Variants in PCDHGA7 observed in about 807,000 individuals in gnomAD.
The protein encoded by PCDHGA7 is protocadherin gamma-A7.
PCDHGA7 carries 44 observed loss-of-function variants against 58.3 expected under a neutral mutation model. The observed-to-expected ratio is 0.75, with a 90% CI of 0.59 to 0.97. PCDHGA7 has a LOEUF of 0.97. PCDHGA7 is among the 50% of genes least tolerant of loss of function. The probability of loss-of-function intolerance (pLI) is 0.00; values close to 1 mark genes in which losing one functional copy is unlikely to be tolerated. For missense variants in PCDHGA7, 1,266 were observed against 1,188.7 expected, an observed-to-expected ratio of 1.06 and a Z score of -0.96; for synonymous variants, 516 against 504.2, an observed-to-expected ratio of 1.02 and a Z score of -0.31.
chr5:141,488,807 C>G (rs2099679535), intron 1 of PCDHGA7, among the ~76,000 whole-genome samples: 1 of 152,170 alleles, frequency 6.6e-6, no homozygotes, highest in Non-Finnish European at 1.5e-5. Flanking sequence ...TGAGTACCAT[C>G]TGAGCTGTCA....
Position 141,428,338 on chromosome 5 carries a change from T to C in PCDHGA7, c.2424+43015T>C, listed in dbSNP as rs575215422. 427 of 592,394 alleles carry C rather than the reference T, an allele frequency of 7.2e-4. 1 individual carries two copies. The highest frequency in any genetic ancestry group is 1.3e-3 in the Non-Finnish European group (409 of 326,444). 36.7% of individuals were successfully genotyped at this position (592,394 alleles called of 1,614,324 possible). ...CTTGGCCTTGATTTCTATGCTCTTC[T>C]TCCTCGCAGTGATTTTGGCGGTCGC... On this transcript the variant is annotated intron_variant, in intron 1 of 3. Coordinates refer to ENST00000518325, the MANE Select transcript of PCDHGA7 (RefSeq NM_018920.4).
intron 1 of PCDHGA7, chr5:141,409,547 G>A (rs760802690): frequency 1.2e-6 from 2 of 1,613,936 alleles, no homozygotes; most frequent in Non-Finnish European, 1.7e-6. Flanking sequence ...CAACGACAAC[G>A]CCCCAGTTTT....
At position 141,490,688 on chromosome 5, in the gene PCDHGA7, C is replaced by A; in HGVS notation, c.2425-4119C>A. ...ACTGTGGCTGCCTCAGATCCAGACA[C>A]TGGGGATAATGCCCGCCTCACCTAC... On this transcript the variant is annotated intron_variant, in intron 1 of 3. Coordinates refer to ENST00000518325, the MANE Select transcript of PCDHGA7 (RefSeq NM_018920.4). The surrounding 1 kb of genome is among the most constrained non-coding windows in gnomAD (Gnocchi z 5.4). The A allele has an allele frequency of 6.2e-7, 1 of 1,614,218 alleles. No individual in the cohort carries two copies. The highest frequency in any genetic ancestry group is 8.5e-7 in the Non-Finnish European group (1 of 1,180,032).
chr5:141,511,028 T>C lies in PCDHGA7; in HGVS notation c.2654T>C (p.Leu885Pro). ...GCCCGCTACGGACCCCAGTTCACCC[T>C]GCAGCACGTGCCCGACTACCGCCAG... ...LSARYGPQFTLQHVPDYRQNV... is the reference protein window; with the variant it reads ...LSARYGPQFTPQHVPDYRQNV... The change falls in exon 4 of 4, where the codon CTG becomes CCG. Residue 885 changes from leucine (L) to proline (P), a missense_variant. Leu to Pro is a moderately conservative substitution (Grantham distance 98, BLOSUM62 -3). Transcript: ENST00000518325. 1 of 1,614,202 alleles carries C rather than the reference T, an allele frequency of 6.2e-7. No homozygotes were observed. Among genetic ancestry groups the C allele is most frequent in the Non-Finnish European group, 8.5e-7 (1 of 1,180,028 alleles).
chr5:141,460,388 G>T (rs1425099375), intron 1 of PCDHGA7, among the ~76,000 whole-genome samples: 1 of 151,774 alleles, frequency 6.6e-6, no homozygotes, highest in East Asian at 1.9e-4. Context: ...TTATAATTTG[G>T]TCTATGAATC....
chr5:141,456,735 C>T (rs568353480), intron 1 of PCDHGA7, among the ~76,000 whole-genome samples: 8 of 152,216 alleles, frequency 5.3e-5, no homozygotes, highest in East Asian at 3.9e-4. Context: ...GAGGCTGAGG[C>T]GGGAGCATCA....
intron 1 of PCDHGA7, chr5:141,414,397 T>C: frequency 6.2e-7 from 1 of 1,613,920 alleles, no homozygotes; most frequent in Middle Eastern, 1.6e-4. Context: ...TTATTACAGA[T>C]TGGTGATACA....
At chr5:141,478,215 T>C (rs764444582) in intron 1 of PCDHGA7, 11 of 1,614,118 alleles carry the variant, frequency 6.8e-6, no homozygotes. Context: ...TCTCTAATCC[T>C]GGTTTCTGTG....
At position 141,486,882 on chromosome 5, in the gene PCDHGA7, C is replaced by T; in HGVS notation, c.2425-7925C>T. The T allele has an allele frequency of 6.2e-7, 1 of 1,614,244 alleles. No individual in the cohort carries two copies. The highest frequency in any genetic ancestry group is 1.1e-5 in the South Asian group (1 of 91,086). On this transcript the variant is annotated intron_variant, in intron 1 of 3. Transcript: ENST00000518325. This position sits in a 1 kb window ranked among gnomAD's most constrained non-coding sequence, Gnocchi z 5.0. ...GCTCCAGCTGTGCTCCGTCCTCGGG[C>T]CCGGCCTGGTTCCTTATGTCCCCAA...
At chr5:141,416,794 G>A (rs1002101061) in intron 1 of PCDHGA7, 1 of 152,070 alleles carries the variant, frequency 6.6e-6, no homozygotes, top group East Asian at 1.9e-4. Flanking sequence ...ACTAAATGTG[G>A]TAGTATAAAG....
At chr5:141,423,783 A>G in intron 1 of PCDHGA7, 1 of 1,264,712 alleles carries the variant, frequency 7.9e-7, no homozygotes, top group South Asian at 1.9e-5. Context: ...TATTTAGTTC[A>G]TATATATTTA....
At chr5:141,455,789 G>A (rs966897617) in intron 1 of PCDHGA7, among the ~76,000 whole-genome samples, 56 of 152,058 alleles carry the variant, frequency 3.7e-4, no homozygotes, top group African/African-American at 1.3e-3. Context: ...AACTTTTCCG[G>A]AGATGCTTTA....
intron 1 of PCDHGA7, among the ~76,000 whole-genome samples, chr5:141,425,045 C>T (rs1374682125): frequency 6.6e-6 from 1 of 152,136 alleles, no homozygotes; most frequent in East Asian, 1.9e-4. Context: ...TGTAAACTGA[C>T]TATCTAGGGC....
chr5:141,494,953 T>G, intron 2 of PCDHGA7, 88 bp downstream of exon 2: 1 of 1,604,164 alleles, frequency 6.2e-7, no homozygotes, highest in Non-Finnish European at 8.5e-7. Flanking sequence ...GCCCAGCATT[T>G]GCTACAGATG....
At chr5:141,445,257 A>G (rs1253126709) in intron 1 of PCDHGA7, among the ~76,000 whole-genome samples, 3 of 152,152 alleles carry the variant, frequency 2.0e-5, no homozygotes, top group African/African-American at 2.4e-5. Context: ...GTGTGAGAAT[A>G]TAAGTCGAAA....
intron 1 of PCDHGA7, chr5:141,421,164 A>G (rs1304650780): frequency 1.6e-6 from 2 of 1,286,298 alleles, no homozygotes; most frequent in African/African-American, 1.5e-5. Flanking sequence ...GACTTCATAG[A>G]TACATAAGCC....
At chr5:141,494,638 A>G (rs2099755799) in intron 1 of PCDHGA7, 169 bp from the exon 2 acceptor site, 1 of 896,388 alleles carries the variant, frequency 1.1e-6, no homozygotes, top group African/African-American at 1.8e-5. Context: ...GACCTCTGAG[A>G]CCTGAGGTGT....
chr5:141,485,358 G>A lies in PCDHGA7; in HGVS notation c.2425-9449G>A, dbSNP rs372994272. The A allele has an allele frequency of 1.2e-6, 2 of 1,614,100 alleles. No homozygotes were observed. Among genetic ancestry groups the A allele is most frequent in the Admixed American group, 3.3e-5 (2 of 60,002 alleles). ...CTGGATACGGACAGTCTGTCAGCTC[G>A]CAGGCTGCAGGTCGCTGGAGAGGTG... is the stretch of plus-strand genomic sequence containing the variant. On this transcript the variant is annotated intron_variant, in intron 1 of 3. Transcript: ENST00000518325. This position sits in a 1 kb window ranked among gnomAD's most constrained non-coding sequence, Gnocchi z 5.7.
At chr5:141,481,462 C>T (rs1395867714) in intron 1 of PCDHGA7, among the ~76,000 whole-genome samples, 1 of 152,162 alleles carries the variant, frequency 6.6e-6, no homozygotes. Flanking sequence ...ACACTGAAAA[C>T]CATTGGATTA....
Sources: allele counts gnomAD v4.1 joint callset (sites outside exome capture counted in the v4.1 genomes callset), GRCh38; gene constraint gnomAD v4.1.1; non-coding constraint Gnocchi (gnomAD v3.1); transcripts MANE v1.5; gene names NCBI Gene and HGNC (gene_info 2026-07-23, HGNC 2026-07-21).